The following C12orf56 variants were observed in gnomAD, a reference collection of about 807,000 sequenced individuals.
The protein encoded by C12orf56 is uncharacterized protein C12orf56.
A neutral mutation model predicts 69.9 loss-of-function variants in C12orf56; 71 were observed. The ratio of observed to expected loss-of-function variants is 1.02; its 90% CI spans 0.84 to 1.24. The LOEUF (loss-of-function observed/expected upper bound fraction) is 1.24, where lower values mean the gene tolerates loss of function less well. C12orf56 is among the 50% of genes most tolerant of loss of function. C12orf56 has a pLI of 0.00. For missense variants in C12orf56, 732 were observed against 738.5 expected, an observed-to-expected ratio of 0.99 and a Z score of 0.10; for synonymous variants, 276 against 274.1, an observed-to-expected ratio of 1.01 and a Z score of -0.07.
intron 3 of C12orf56, among the ~76,000 whole-genome samples, chr12:64,323,315 A>G (rs2038795234): frequency 6.6e-6 from 1 of 152,184 alleles, no homozygotes; most frequent in Non-Finnish European, 1.5e-5. Context: ...CATTGTATTC[A>G]TACATTTAAA....
chr12:64,313,705 T>A lies in C12orf56; in HGVS notation c.895-953A>T, dbSNP rs547798846. On this transcript the variant is annotated intron_variant, in intron 4 of 12. Coordinates refer to ENST00000543942, the MANE Select transcript of C12orf56 (RefSeq NM_001170633.2). Reference sequence around the variant, plus strand: ...GCATATATTAATCTGGAACTTGATTTAACTTAATATATGGTGGATGGTTTT... The same window carrying A: ...GCATATATTAATCTGGAACTTGATTAAACTTAATATATGGTGGATGGTTTT... Among the ~76,000 whole-genome samples, 5 of 151,858 alleles carry A rather than the reference T, an allele frequency of 3.3e-5. No individual in the cohort carries two copies. In the South Asian group the frequency reaches 1.0e-3, roughly 32 times the overall value.
At position 64,386,083 on chromosome 12, in the gene C12orf56, G is replaced by A. The variant is rs146584575; in HGVS notation, c.252+4231C>T. ...TCCTTGCCTTTTCTAGCTTCTCCAGGCCCCCTACATTCCTTGGCTAAGGCC... is the reference window on the plus strand; with the variant it reads ...TCCTTGCCTTTTCTAGCTTCTCCAGACCCCCTACATTCCTTGGCTAAGGCC... On this transcript the variant is annotated intron_variant, in intron 1 of 12. Coordinates refer to ENST00000543942, the MANE Select transcript of C12orf56 (RefSeq NM_001170633.2). 1.3e-4 allele frequency among the ~76,000 whole-genome samples: 20 copies of A among 152,172 alleles called. No individual in the cohort carries two copies. The East Asian group carries it at 3.9e-3, about 29-fold the overall frequency.
intron 4 of C12orf56, among the ~76,000 whole-genome samples, 175 bp downstream of exon 4, chr12:64,318,400 A>G (rs2038716933): frequency 6.6e-6 from 1 of 152,096 alleles, no homozygotes; most frequent in Non-Finnish European, 1.5e-5. Flanking sequence ...CCCTATTGCA[A>G]TCGCCTAAAT....
intron 8 of C12orf56, among the ~76,000 whole-genome samples, chr12:64,283,755 G>A (rs2038162710): frequency 2.0e-5 from 3 of 151,368 alleles, no homozygotes; most frequent in Admixed American, 2.0e-4. Context: ...TAAGGACAAA[G>A]ACAACATGAT....
intron 6 of C12orf56, among the ~76,000 whole-genome samples, chr12:64,286,517 T>C (rs1228327061): frequency 6.6e-6 from 1 of 152,242 alleles, no homozygotes; most frequent in African/African-American, 2.4e-5. Context: ...GGCTAGCTTA[T>C]GGAAATGGTG....
At chr12:64,284,513 C>T in intron 8 of C12orf56, 151 bp downstream of exon 8, 1 of 531,124 alleles carries the variant, frequency 1.9e-6, no homozygotes, top group East Asian at 3.3e-5. Flanking sequence ...ACCTGTTCAT[C>T]ATGGAAGGAA....
intron 6 of C12orf56, among the ~76,000 whole-genome samples, chr12:64,301,234 G>A (rs767350700): frequency 6.6e-5 from 10 of 152,172 alleles, no homozygotes; most frequent in Non-Finnish European, 1.3e-4. Flanking sequence ...AGCTGATAGA[G>A]CCAGTGTCCT....
At chr12:64,377,259 C>T (rs186941272) in intron 1 of C12orf56, among the ~76,000 whole-genome samples, 129 of 144,438 alleles carry the variant, frequency 8.9e-4, no homozygotes, top group Non-Finnish European at 1.4e-3. Flanking sequence ...GGTGTGATCT[C>T]GGCTCACTGC....
chr12:64,355,152 G>A (rs534479896), intron 1 of C12orf56, among the ~76,000 whole-genome samples: 1 of 148,396 alleles, frequency 6.7e-6, no homozygotes, highest in Admixed American at 6.7e-5. Flanking sequence ...AGAGTACCTA[G>A]AATTTAGATA....
chr12:64,355,592 A>G (rs6581551), intron 1 of C12orf56, among the ~76,000 whole-genome samples: 92,819 of 152,030 alleles, frequency 0.61, 28,886 homozygotes, highest in East Asian at 0.71. Flanking sequence ...ATTGAAGATA[A>G]TTTCCAAGAT....
At chr12:64,295,150 T>G (rs1023559304) in intron 6 of C12orf56, among the ~76,000 whole-genome samples, 6 of 152,168 alleles carry the variant, frequency 3.9e-5, no homozygotes, top group African/African-American at 1.4e-4. Flanking sequence ...CCCAATGTGC[T>G]GGGATTATAG....
chr12:64,322,916 G>A (rs1012663299), intron 3 of C12orf56, among the ~76,000 whole-genome samples: 2 of 152,272 alleles, frequency 1.3e-5, no homozygotes, highest in East Asian at 3.9e-4. Flanking sequence ...TCTACAAACA[G>A]AGCACACAGA....
chr12:64,274,890 T>C lies in C12orf56; in HGVS notation c.1584+11A>G, dbSNP rs757047469. On this transcript the variant is annotated intron_variant, in intron 11 of 12. Coordinates refer to ENST00000543942, the MANE Select transcript of C12orf56 (RefSeq NM_001170633.2). ...TTGGGGGTGATTTCGTTTTGACTTC[T>C]AGATACTTACGATGGGAGGACAGCT... The C allele has an allele frequency of 5.6e-6, 9 of 1,595,964 alleles. No homozygotes were observed. Among genetic ancestry groups the C allele is most frequent in the Non-Finnish European group, 6.9e-6 (8 of 1,164,138 alleles).
chr12:64,316,620 T>G (rs1366124739), intron 4 of C12orf56, among the ~76,000 whole-genome samples: 1 of 152,146 alleles, frequency 6.6e-6, no homozygotes, highest in African/African-American at 2.4e-5. Context: ...CCACATTTAT[T>G]TCAATGGTCA....
intron 3 of C12orf56, 56 bp from the exon 4 acceptor site, chr12:64,319,036 A>G (rs1341028507): frequency 7.2e-7 from 1 of 1,382,838 alleles, no homozygotes. Flanking sequence ...AGTAAGCAAC[A>G]AAGAGAACCG....
At chr12:64,274,245 G>A (rs540522234) in intron 11 of C12orf56, among the ~76,000 whole-genome samples, 4 of 152,202 alleles carry the variant, frequency 2.6e-5, no homozygotes, top group African/African-American at 9.7e-5. Flanking sequence ...CTGCAGGGAG[G>A]GGGGTGGTGG....
At chr12:64,365,162 CTTTTTTTTT>C (rs386376771) in intron 1 of C12orf56, among the ~76,000 whole-genome samples, 1 of 123,076 alleles carries the variant, frequency 8.1e-6, no homozygotes, top group Non-Finnish European at 1.6e-5. Flanking sequence ...AAAGCTGTTC[CTTTTTTTTT>C]TTTTTTTTTT....
intron 1 of C12orf56, among the ~76,000 whole-genome samples, chr12:64,363,706 A>G (rs896857423): frequency 9.9e-5 from 15 of 152,168 alleles, no homozygotes; most frequent in African/African-American, 3.6e-4. Flanking sequence ...GTGTGCCTAA[A>G]TGTTCGAGTT....
At chr12:64,374,460 T>C (rs2039614155) in intron 1 of C12orf56, among the ~76,000 whole-genome samples, 1 of 152,218 alleles carries the variant, frequency 6.6e-6, no homozygotes, top group Non-Finnish European at 1.5e-5. Flanking sequence ...CAAATGTATC[T>C]ACATCATTTT....
Sources: gnomAD v4.1 joint callset for allele counts (sites outside exome capture counted in the v4.1 genomes callset) on GRCh38, gnomAD v4.1.1 for gene constraint, MANE v1.5 for transcripts, NCBI Gene and HGNC (gene_info 2026-07-23, HGNC 2026-07-21) for gene names.